Variants in ADAMTS9 observed in about 807,000 individuals in gnomAD.
ADAMTS9 encodes the protein A disintegrin and metalloproteinase with thrombospondin motifs 9.
In ADAMTS9, 107 loss-of-function variants were observed where a neutral mutation model predicts 257.1. The observed-to-expected ratio is 0.42, with a 90% confidence interval of 0.36 to 0.49. The LOEUF (loss-of-function observed/expected upper bound fraction) is 0.49, where lower values mean the gene tolerates loss of function less well. Ranked by LOEUF, ADAMTS9 falls within the 20% of genes least tolerant of loss-of-function variation. The pLI, the probability that ADAMTS9 is intolerant of heterozygous loss-of-function variation, is 0.03. For missense variants in ADAMTS9, 2,353 were observed against 2,469.1 expected (o/e 0.95, Z 1.00); for synonymous variants, 982 against 880.9 (o/e 1.11, Z -2.03).
intron 28 of ADAMTS9, chr3:64,569,148 G>C (rs950620953): frequency 6.6e-6 from 1 of 152,468 alleles, no homozygotes; most frequent in Non-Finnish European, 1.5e-5. Context: ...TGTTTTAAAT[G>C]TGACCTTGTC....
Position 64,633,884 on chromosome 3 carries a change from A to C in ADAMTS9, c.1857-5T>G, listed in dbSNP as rs1310608327. 1.9e-6 allele frequency: 3 copies of C among 1,609,568 alleles called. No homozygotes were observed. Among genetic ancestry groups the C allele is most frequent in the Non-Finnish European group, 2.5e-6 (3 of 1,178,104 alleles). On this transcript the variant is annotated splice_region_variant and splice_polypyrimidine_tract_variant and intron_variant, in intron 12 of 39. Transcript: ENST00000498707. ...TATTTTCCACCATTTTTTGGTCTGA[A>C]AAAGAAAAAATGTGAAGAGCACACA...
Position 64,658,769 on chromosome 3 carries a change from T to C in ADAMTS9, c.702A>G (p.Lys234=). The change falls in exon 4 of 40, where the codon AAA becomes AAG. Residue 234 remains lysine, a synonymous_variant. Coordinates refer to ENST00000498707, the MANE Select transcript of ADAMTS9 (RefSeq NM_182920.2). ...TTCTTGCTCTGGTTTTCTTCTTGTC[T>C]TTACTGTGCCTATTTTTGTGTTCTG... ...DTSEHKNRHS[K]DKKKTRARKW... 1 of 1,613,614 alleles carries C rather than the reference T, an allele frequency of 6.2e-7. No homozygotes were observed. Among genetic ancestry groups the C allele is most frequent in the Non-Finnish European group, 8.5e-7 (1 of 1,179,778 alleles).
chr3:64,532,621 C>T (rs967382922), intron 38 of ADAMTS9, among the ~76,000 whole-genome samples: 2 of 152,232 alleles, frequency 1.3e-5, no homozygotes, highest in South Asian at 2.1e-4. Flanking sequence ...TTCCAACGGG[C>T]CCCCAGGTGA....
At chr3:64,681,453 T>A in intron 2 of ADAMTS9, 90 bp from the exon 3 acceptor site, 1 of 1,370,866 alleles carries the variant, frequency 7.3e-7, no homozygotes, top group Non-Finnish European at 9.9e-7. Context: ...GTAGAGATGG[T>A]GTCATTTTAC....
intron 32 of ADAMTS9, among the ~76,000 whole-genome samples, chr3:64,545,408 C>T (rs2083183761): frequency 6.6e-6 from 1 of 152,148 alleles, no homozygotes; most frequent in African/African-American, 2.4e-5. Flanking sequence ...CACATATACA[C>T]CATGGAGTAC....
intron 10 of ADAMTS9, among the ~76,000 whole-genome samples, chr3:64,648,265 G>A (rs899177458): frequency 6.6e-6 from 1 of 152,114 alleles, no homozygotes; most frequent in Non-Finnish European, 1.5e-5. Context: ...ACCAAGCTAA[G>A]GAAAGAAAAC....
intron 38 of ADAMTS9, among the ~76,000 whole-genome samples, chr3:64,523,002 G>C (rs1042157947): frequency 6.6e-5 from 10 of 151,890 alleles, no homozygotes; most frequent in African/African-American, 1.9e-4. Flanking sequence ...AAAAACAATG[G>C]TCAAAAATTT....
At chr3:64,613,851 A>G (rs563284610) in intron 21 of ADAMTS9, among the ~76,000 whole-genome samples, 1 of 152,352 alleles carries the variant, frequency 6.6e-6, no homozygotes, top group South Asian at 2.1e-4. Context: ...TTATATAACC[A>G]GTCACAAGAT....
At chr3:64,606,051 A>C (rs1181283036) in intron 23 of ADAMTS9, among the ~76,000 whole-genome samples, 1 of 152,172 alleles carries the variant, frequency 6.6e-6, no homozygotes, top group Middle Eastern at 3.2e-3. Context: ...TTTATGTTTA[A>C]GGGTAGGATG....
At chr3:64,523,186 A>G (rs1172838346) in intron 38 of ADAMTS9, among the ~76,000 whole-genome samples, 2 of 152,260 alleles carry the variant, frequency 1.3e-5, no homozygotes, top group African/African-American at 4.8e-5. Context: ...CTCTTTTGGC[A>G]AGGACTATTG....
intron 16 of ADAMTS9, among the ~76,000 whole-genome samples, chr3:64,625,640 C>T (rs147072688): frequency 9.2e-5 from 14 of 152,256 alleles, no homozygotes; most frequent in African/African-American, 3.1e-4. Flanking sequence ...AGAATTCTCA[C>T]CCACATAAAC....
intron 8 of ADAMTS9, 104 bp from the exon 9 acceptor site, chr3:64,651,267 T>G: frequency 1.0e-6 from 1 of 954,444 alleles, no homozygotes; most frequent in Non-Finnish European, 1.5e-6. Flanking sequence ...AAATTTAACT[T>G]CATTTTGGAT....
intron 3 of ADAMTS9, among the ~76,000 whole-genome samples, chr3:64,663,016 C>T (rs1325173356): frequency 2.0e-5 from 3 of 152,016 alleles, no homozygotes; most frequent in Non-Finnish European, 4.4e-5. Flanking sequence ...CAAGATGTCT[C>T]ACTATGTATA....
Position 64,596,854 on chromosome 3 carries a change from C to G in ADAMTS9, c.4155G>C (p.Gln1385His). Residue 1385 changes from glutamine (Q) to histidine (H), a missense_variant, in exon 27 of 40, where the codon CAG becomes CAC. By Grantham distance (24) the Gln-to-His change is conservative. Around this residue, in one of 3 missense-constraint regions of ADAMTS9, gnomAD observed 1,402 missense variants for 1,441.4 expected, o/e 0.97. Transcript: ENST00000498707. ...QRACESGPCP[Q>H]WAYGNWGECT... ...CCTCTCCCCAGTTGCCATAAGCCCA[C>G]TGAGGACAAGGGCCGGATTCACAGG... The G allele has an allele frequency of 4.3e-6, 7 of 1,614,038 alleles. No individual in the cohort carries two copies. The highest frequency in any genetic ancestry group is 5.9e-6 in the Non-Finnish European group (7 of 1,179,942).
intron 8 of ADAMTS9, among the ~76,000 whole-genome samples, chr3:64,653,204 G>T (rs77794434): frequency 2.6e-5 from 4 of 152,040 alleles, no homozygotes; most frequent in African/African-American, 7.2e-5. Flanking sequence ...AAGTCCCACC[G>T]CCACTAAGCT....
intron 3 of ADAMTS9, among the ~76,000 whole-genome samples, chr3:64,669,298 A>T (rs919753803): frequency 2.6e-5 from 4 of 152,142 alleles, no homozygotes; most frequent in African/African-American, 9.7e-5. Context: ...TTATTCCCAC[A>T]CTTAAATACA....
chr3:64,582,372 T>G (rs2084027681), intron 28 of ADAMTS9: 1 of 152,212 alleles, frequency 6.6e-6, no homozygotes, highest in Non-Finnish European at 1.5e-5. Context: ...GAAAACTTGG[T>G]GATCTCTACA....
At position 64,541,139 on chromosome 3, in the gene ADAMTS9, C is replaced by G. The variant is rs137856161; in HGVS notation, c.5477G>C (p.Ser1826Thr). ...RKDYTAAGFSSFQKIRIDLTS... is the reference protein window; with the variant it reads ...RKDYTAAGFSTFQKIRIDLTS... ...CAGGTCTATTCTGATTTTCTGAAAA[C>G]TGGAAAACCCAGCGGCCGTGTAATC... Residue 1826 changes from serine (S) to threonine (T), a missense_variant, in exon 36 of 40, where the codon AGT becomes ACT. Coordinates refer to ENST00000498707, the MANE Select transcript of ADAMTS9 (RefSeq NM_182920.2). The G allele has an allele frequency of 1.9e-6, 3 of 1,614,216 alleles. No homozygotes were observed. Among genetic ancestry groups the G allele is most frequent in the Non-Finnish European group, 1.7e-6 (2 of 1,180,026 alleles).
Position 64,686,780 on chromosome 3 carries a change from G to C in ADAMTS9, c.304C>G (p.Leu102Val). The C allele has an allele frequency of 1.2e-6, 2 of 1,614,190 alleles. No homozygotes were observed. Among genetic ancestry groups the C allele is most frequent in the Non-Finnish European group, 1.7e-6 (2 of 1,180,028 alleles). Residue 102 changes from leucine (L) to valine (V), a missense_variant, in exon 2 of 40, where the codon CTC becomes GTC. Around this residue, in one of 3 missense-constraint regions of ADAMTS9, gnomAD observed 591 missense variants for 569.6 expected, o/e 1.04. Coordinates refer to ENST00000498707, the MANE Select transcript of ADAMTS9 (RefSeq NM_182920.2). This position sits in a 1 kb window ranked among gnomAD's most constrained non-coding sequence, Gnocchi z 4.6. ...AGAAACTGCTGGCCGAAGGCAGAGA[G>C]GCGGTAATGCGCCTGGGAGGAGGTA... ...SSTSSQAHYR[L>V]SAFGQQFLFN...
Sources: allele counts gnomAD v4.1 joint callset (sites outside exome capture counted in the v4.1 genomes callset), GRCh38; gene constraint gnomAD v4.1.1; regional missense constraint gnomAD v4.1.1; non-coding constraint Gnocchi (gnomAD v3.1); transcripts MANE v1.5; gene names NCBI Gene and HGNC (gene_info 2026-07-23, HGNC 2026-07-21).